FCRL2: variants seen among roughly 807,000 people sequenced by gnomAD.
FCRL2 encodes the protein Fc receptor-like protein 2.
Under a neutral mutation model 59.8 loss-of-function variants are expected in FCRL2, and 48 were observed. That is an observed-to-expected ratio of 0.80 (90% CI 0.64 to 1.02). The LOEUF is 1.02. Ranked by LOEUF, FCRL2 falls within the 50% of genes least tolerant of loss-of-function variation. FCRL2 has a pLI of 0.00. For synonymous variants in FCRL2, 251 were observed against 229.5 expected, an observed-to-expected ratio of 1.09 and a Z score of -0.85; for missense variants, 658 against 597.3, an observed-to-expected ratio of 1.10 and a Z score of -1.06.
chr1:157,749,361 A>G (rs1648009254), intron 8 of FCRL2, among the ~76,000 whole-genome samples: 1 of 152,066 alleles, frequency 6.6e-6, no homozygotes, highest in African/African-American at 2.4e-5. Flanking sequence ...TCTAACAAAA[A>G]CTTACTTATA....
intron 10 of FCRL2, 56 bp from the exon 11 acceptor site, chr1:157,746,955 C>T: frequency 6.4e-7 from 1 of 1,573,438 alleles, no homozygotes; most frequent in Non-Finnish European, 8.7e-7. Context: ...AGGCCTCACT[C>T]CCAGACTTTA....
At position 157,777,079 on chromosome 1, in the gene FCRL2, C is replaced by A; in HGVS notation, c.-6G>T. 1 of 1,614,112 alleles carries A rather than the reference C, an allele frequency of 6.2e-7. No individual in the cohort carries two copies. The highest frequency in any genetic ancestry group is 1.7e-5 in the Admixed American group (1 of 60,018). The stretch of plus-strand genomic sequence containing the variant: ...AGCAATGACCACAGCAGCATGAGGA[C>A]CTAATCCAGCTATTTGAAAAGAGAT... On this transcript the variant is annotated 5_prime_UTR_variant, in exon 1 of 12. Coordinates refer to ENST00000361516, the MANE Select transcript of FCRL2 (RefSeq NM_030764.4).
chr1:157,775,552 G>A (rs1476820257), intron 2 of FCRL2, among the ~76,000 whole-genome samples: 1 of 152,246 alleles, frequency 6.6e-6, no homozygotes, highest in African/African-American at 2.4e-5. Context: ...TTTTAAGGAA[G>A]AGGCAAGCAT....
intron 7 of FCRL2, among the ~76,000 whole-genome samples, chr1:157,753,578 G>A (rs1293624565): frequency 1.3e-5 from 2 of 152,194 alleles, no homozygotes; most frequent in Non-Finnish European, 2.9e-5. Context: ...GTACATTGAT[G>A]TATTCACCAA....
intron 1 of FCRL2, among the ~76,000 whole-genome samples, chr1:157,776,290 G>A (rs556596300): frequency 6.6e-6 from 1 of 152,210 alleles, no homozygotes; most frequent in South Asian, 2.1e-4. Context: ...ATAGAGAAAG[G>A]GATCTTATTT....
At chr1:157,775,073 T>G (rs1050440130) in intron 2 of FCRL2, among the ~76,000 whole-genome samples, 3 of 152,214 alleles carry the variant, frequency 2.0e-5, no homozygotes, top group Non-Finnish European at 4.4e-5. Context: ...ATACATGCAT[T>G]TTTAAAAAAT....
chr1:157,748,441 CAAATAAAT>C lies in FCRL2; in HGVS notation c.1459+104_1459+111del, dbSNP rs58239785. 3,124 of 355,584 alleles carry C rather than the reference CAAATAAAT, an allele frequency of 8.8e-3. 97 individuals are homozygous for C. Among genetic ancestry groups the C allele is most frequent in the African/African-American group, 0.055 (2,477 of 45,052 alleles). 22.0% of individuals were successfully genotyped at this position (355,584 alleles called of 1,614,324 possible). A position where few individuals can be genotyped will look rare whatever the true frequency, so the allele number is the denominator to read the frequency against. On this transcript the variant is annotated intron_variant, in intron 10 of 11. Coordinates refer to ENST00000361516, the MANE Select transcript of FCRL2 (RefSeq NM_030764.4). ...CCTCAAAAGTAGATAGATAGATAGA[CAAATAAAT>C]AAATAAATAAATAAATAAATAAATA... is the stretch of plus-strand genomic sequence containing the variant.
At chr1:157,755,813 T>A (rs1044635426) in intron 7 of FCRL2, among the ~76,000 whole-genome samples, 1 of 152,210 alleles carries the variant, frequency 6.6e-6, no homozygotes, top group Non-Finnish European at 1.5e-5. Flanking sequence ...ATGTATACAA[T>A]GACATCACAT....
chr1:157,766,676 T>C, intron 7 of FCRL2, 179 bp downstream of exon 7: 1 of 887,116 alleles, frequency 1.1e-6, no homozygotes, highest in Non-Finnish European at 1.7e-6. Flanking sequence ...ACATATTGTA[T>C]AATTAGCAGT....
chr1:157,768,518 A>G lies in FCRL2; in HGVS notation c.779T>C (p.Leu260Pro). ...KKTQRSLSAE[L>P]EIPAVKESDA... Reference sequence around the variant, plus strand: ...ACTCTCTTTCACAGCTGGGATCTCCAGCTCTGCTGACAGGGAACGCTGGGT... The same window carrying G: ...ACTCTCTTTCACAGCTGGGATCTCCGGCTCTGCTGACAGGGAACGCTGGGT... The change falls in exon 5 of 12, where the codon CTG (leucine) becomes CCG (proline). Residue 260 changes from leucine to proline, a missense_variant. By Grantham distance (98) the Leu-to-Pro change is moderately conservative. Coordinates refer to ENST00000361516, the MANE Select transcript of FCRL2 (RefSeq NM_030764.4). 1 of 1,614,188 alleles carries G rather than the reference A, an allele frequency of 6.2e-7. No homozygotes were observed.
At chr1:157,770,811 T>C (rs1012029491) in intron 2 of FCRL2, 145 bp from the exon 3 acceptor site, 5 of 876,746 alleles carry the variant, frequency 5.7e-6, no homozygotes, top group Non-Finnish European at 8.6e-6. Context: ...ACTGAGAGTT[T>C]CATCCCATGT....
At position 157,768,595 on chromosome 1, in the gene FCRL2, AT is replaced by A; in HGVS notation, c.701del (p.Asn234MetfsTer32). On this transcript the variant is annotated frameshift_variant, in exon 5 of 12. Transcript: ENST00000361516. LOFTEE classifies it high-confidence loss of function. ...CCTCTCTGTACCAGGAGAATGTGAC[AT>A]TTCCTGTACCCCCAGCCACTGAGCA... ...LLCSVAGGTG[N>X]VTFSWYREAT... 6.2e-7 allele frequency: 1 copy of A among 1,614,114 alleles called. No homozygotes were observed. Among genetic ancestry groups the A allele is most frequent in the Non-Finnish European group, 8.5e-7 (1 of 1,180,024 alleles).
chr1:157,762,384 C>T (rs944770620), intron 7 of FCRL2, among the ~76,000 whole-genome samples: 1 of 152,118 alleles, frequency 6.6e-6, no homozygotes, highest in Non-Finnish European at 1.5e-5. Context: ...ACCTGCCTGG[C>T]CCAGCATAGC....
At chr1:157,768,302 T>C in intron 5 of FCRL2, 112 bp downstream of exon 5, 1 of 1,115,900 alleles carries the variant, frequency 9.0e-7, no homozygotes, top group Non-Finnish European at 1.3e-6. Context: ...AAATTGCTTT[T>C]GGTTCTCCAC....
chr1:157,760,812 GGGAA>G (rs139195743), intron 7 of FCRL2, among the ~76,000 whole-genome samples: 5 of 142,008 alleles, frequency 3.5e-5, no homozygotes, highest in Non-Finnish European at 6.3e-5. Context: ...GAAGGAAGGA[GGGAA>G]GGAAGGAAGG....
intron 7 of FCRL2, among the ~76,000 whole-genome samples, chr1:157,763,482 A>ATT (rs1438630630): frequency 2.2e-4 from 34 of 152,102 alleles, no homozygotes; most frequent in African/African-American, 8.2e-4. Context: ...CCAAGAACAC[A>ATT]CCATTGTGCT....
chr1:157,768,205 C>A, intron 5 of FCRL2: 1 of 548,702 alleles, frequency 1.8e-6, no homozygotes, highest in South Asian at 2.5e-5. Context: ...AATGCTTATG[C>A]TTCATAATCG....
intron 7 of FCRL2, 123 bp from the exon 8 acceptor site, chr1:157,749,800 G>T: frequency 1.7e-6 from 1 of 585,920 alleles, no homozygotes; most frequent in South Asian, 3.3e-5. Flanking sequence ...TAATCCAATT[G>T]TATTTCATCT....
intron 1 of FCRL2, 48 bp downstream of exon 1, chr1:157,776,995 A>G (rs376092182): frequency 1.3e-6 from 2 of 1,559,876 alleles, no homozygotes; most frequent in Non-Finnish European, 1.8e-6. Context: ...GGAGCAGTAG[A>G]CCTCATTCAG....
Sources: gnomAD v4.1 joint callset for allele counts (sites outside exome capture counted in the v4.1 genomes callset) on GRCh38, gnomAD v4.1.1 for gene constraint, MANE v1.5 for transcripts, NCBI Gene and HGNC (gene_info 2026-07-23, HGNC 2026-07-21) for gene names.